Variants in COMMD10 observed in about 807,000 individuals in gnomAD.
COMMD10 encodes COMM domain-containing protein 10.
COMMD10 carries 33 observed loss-of-function variants against 28.9 expected under a neutral mutation model. The ratio of observed to expected loss-of-function variants is 1.14; its 90% CI spans 0.87 to 1.53. COMMD10 has a LOEUF of 1.53. COMMD10 is among the 40% of genes most tolerant of loss of function. The pLI is 0.00. For synonymous variants in COMMD10, 110 were observed against 81.7 expected (o/e 1.35, Z -1.87); for missense variants, 310 against 233.4 (o/e 1.33, Z -2.14).
chr5:116,104,111 G>T (rs1313187453), intron 4 of COMMD10, among the ~76,000 whole-genome samples: 1 of 152,136 alleles, frequency 6.6e-6, no homozygotes, highest in African/African-American at 2.4e-5. Flanking sequence ...TTTTGCTTAG[G>T]ATTGTCTTGG....
rs766633557 is a variant in COMMD10, at chr5:116,092,665, G to C, written c.364G>C (p.Glu122Gln). ...TWSSMGQETV[E>Q]KFRQRILAPC... is the part of the protein sequence containing the mutation. ...GTCTTCTATGGGTCAAGAAACAGTT[G>C]AAAAGTTCCGGCAGAGAATTCTGGC... The change falls in exon 4 of 7, where the codon GAA becomes CAA. Residue 122 changes from glutamate (E) to glutamine (Q), a missense_variant. Transcript: ENST00000274458. 3.1e-6 allele frequency: 5 copies of C among 1,608,970 alleles called. No homozygotes were observed. The South Asian group carries it at 5.6e-5, about 18-fold the overall frequency.
intron 5 of COMMD10, among the ~76,000 whole-genome samples, chr5:116,273,127 G>A (rs749802805): frequency 6.6e-6 from 1 of 151,796 alleles, no homozygotes; most frequent in Non-Finnish European, 1.5e-5. Context: ...TGCTCTGATA[G>A]GGGCTATTTT....
chr5:116,221,969 G>A (rs554549586), intron 5 of COMMD10, among the ~76,000 whole-genome samples: 3 of 152,314 alleles, frequency 2.0e-5, no homozygotes, highest in East Asian at 1.9e-4. Flanking sequence ...AAGATGAACT[G>A]AATCTGTCAA....
chr5:116,135,045 T>C (rs913567683), intron 5 of COMMD10, among the ~76,000 whole-genome samples: 2 of 152,220 alleles, frequency 1.3e-5, no homozygotes, highest in African/African-American at 4.8e-5. Context: ...TAGGGAAATA[T>C]ATCTTTCAGA....
intron 5 of COMMD10, among the ~76,000 whole-genome samples, chr5:116,256,405 A>G (rs1227109149): frequency 3.3e-5 from 5 of 151,776 alleles, no homozygotes; most frequent in Admixed American, 6.6e-5. Flanking sequence ...AGTTTTAACT[A>G]TAATAGACTG....
At chr5:116,226,877 A>G (rs538956868) in intron 5 of COMMD10, among the ~76,000 whole-genome samples, 1 of 152,198 alleles carries the variant, frequency 6.6e-6, no homozygotes, top group South Asian at 2.1e-4. Context: ...TAAAGACTTT[A>G]CATATGGTCA....
At chr5:116,096,766 A>G (rs181968404) in intron 4 of COMMD10, among the ~76,000 whole-genome samples, 77 of 152,004 alleles carry the variant, frequency 5.1e-4, no homozygotes, top group Admixed American at 2.5e-3. Context: ...AAAATTCTGT[A>G]TTCTTACTAC....
At chr5:116,166,544 T>C (rs2057684711) in intron 5 of COMMD10, among the ~76,000 whole-genome samples, 2 of 152,200 alleles carry the variant, frequency 1.3e-5, no homozygotes, top group South Asian at 4.1e-4. Flanking sequence ...TGCCTCCTGA[T>C]GGGGTGACAC....
At chr5:116,177,533 C>T (rs945005096) in intron 5 of COMMD10, among the ~76,000 whole-genome samples, 1 of 146,672 alleles carries the variant, frequency 6.8e-6, no homozygotes, top group Non-Finnish European at 1.5e-5. Flanking sequence ...TGACCCCCCC[C>T]ACCCCACTGC....
At chr5:116,186,252 A>G (rs10072559) in intron 5 of COMMD10, among the ~76,000 whole-genome samples, 2,045 of 152,236 alleles carry the variant, frequency 0.013, 49 homozygotes, top group African/African-American at 0.047. Context: ...TCTTTAGCCC[A>G]TTCCAATACA....
chr5:116,087,253 G>A (rs1474097681), intron 1 of COMMD10, among the ~76,000 whole-genome samples: 1 of 152,152 alleles, frequency 6.6e-6, no homozygotes, highest in Admixed American at 6.5e-5. Context: ...TAGTAGTTTG[G>A]TTTGCCCAAA....
At chr5:116,238,925 GA>G (rs1447829420) in intron 5 of COMMD10, among the ~76,000 whole-genome samples, 1 of 152,020 alleles carries the variant, frequency 6.6e-6, no homozygotes, top group African/African-American at 2.4e-5. Context: ...AAATTTCTTT[GA>G]AACTTTTACA....
chr5:116,262,555 C>CA lies in COMMD10; in HGVS notation c.511-28961dup, dbSNP rs202194525. Among the ~76,000 whole-genome samples the CA allele has an allele frequency of 4.5e-4, 68 of 151,614 alleles. 1 individual carries two copies. In the East Asian group the frequency reaches 0.012, roughly 27 times the overall value. ...TAGAGTTGAAGATTGAATTTAGGGC[C>CA]AGTTTTTTCAAGTACATTAATTATG... On this transcript the variant is annotated intron_variant, in intron 5 of 6. Coordinates refer to ENST00000274458, the MANE Select transcript of COMMD10 (RefSeq NM_016144.4).
intron 4 of COMMD10, among the ~76,000 whole-genome samples, chr5:116,131,297 C>T (rs1486180796): frequency 6.6e-6 from 1 of 151,816 alleles, no homozygotes; most frequent in South Asian, 2.1e-4. Context: ...CAAATGAAAG[C>T]TAGGGTAATG....
chr5:116,264,489 A>G (rs1750530934), intron 5 of COMMD10, among the ~76,000 whole-genome samples: 1 of 151,752 alleles, frequency 6.6e-6, no homozygotes, highest in Admixed American at 6.6e-5. Context: ...GCATGCAAAG[A>G]TTATATTTTC....
intron 5 of COMMD10, among the ~76,000 whole-genome samples, chr5:116,223,114 T>A (rs1749306386): frequency 6.6e-6 from 1 of 152,176 alleles, no homozygotes; most frequent in Non-Finnish European, 1.5e-5. Context: ...TTCTTTGAAG[T>A]TGCTATTTTT....
intron 5 of COMMD10, among the ~76,000 whole-genome samples, chr5:116,204,500 TAAG>T (rs1748761654): frequency 6.6e-6 from 1 of 152,130 alleles, no homozygotes; most frequent in Admixed American, 6.6e-5. Flanking sequence ...TACTGAATAT[TAAG>T]AAGATTATCT....
Position 116,283,456 on chromosome 5 carries a change from C to T in COMMD10, c.511-8061C>T, listed in dbSNP as rs532388296. Among the ~76,000 whole-genome samples, 80 of 151,620 alleles carry T rather than the reference C, an allele frequency of 5.3e-4. 2 individuals carry two copies. In the Middle Eastern group the frequency reaches 0.01, roughly 19 times the overall value. On this transcript the variant is annotated intron_variant, in intron 5 of 6. Transcript: ENST00000274458. ...CCACCTCCCGGGTTCAAGCGATTCT[C>T]CTGCCTCATCCTCCTGAGCAGCTGG...
intron 5 of COMMD10, among the ~76,000 whole-genome samples, chr5:116,206,424 G>T (rs1036317814): frequency 1.3e-5 from 2 of 152,144 alleles, no homozygotes; most frequent in African/African-American, 4.8e-5. Flanking sequence ...GCCAAGGTGG[G>T]CAGATCACCT....
Sources: allele counts gnomAD v4.1 joint callset (sites outside exome capture counted in the v4.1 genomes callset), GRCh38; gene constraint gnomAD v4.1.1; transcripts MANE v1.5; gene names NCBI Gene and HGNC (gene_info 2026-07-23, HGNC 2026-07-21).